The following GXYLT2 variants were observed in gnomAD, a reference collection of about 807,000 sequenced individuals.
GXYLT2 encodes glycosyltransferase 8 domain containing 4.
A neutral mutation model predicts 45.8 loss-of-function variants in GXYLT2; 53 were observed. The ratio of observed to expected loss-of-function variants is 1.16; its 90% confidence interval spans 0.93 to 1.46. The LOEUF (loss-of-function observed/expected upper bound fraction) is 1.46. Ranked by LOEUF, GXYLT2 falls within the 40% of genes most tolerant of loss-of-function variation. The pLI, the probability that GXYLT2 is intolerant of heterozygous loss-of-function variation, is 0.00. For synonymous variants in GXYLT2, 219 were observed against 214.2 expected, an observed-to-expected ratio of 1.02 and a Z score of -0.19; for missense variants, 551 against 544.4, an observed-to-expected ratio of 1.01 and a Z score of -0.12.
chr3:72,973,955 C>T (rs1711043990), intron 6 of GXYLT2, among the ~76,000 whole-genome samples: 1 of 152,160 alleles, frequency 6.6e-6, no homozygotes, highest in South Asian at 2.1e-4. Context: ...CTCTGATAAA[C>T]CTGTGTAAGC....
intron 3 of GXYLT2, among the ~76,000 whole-genome samples, chr3:72,943,469 T>TG (rs1437214350): frequency 6.6e-6 from 1 of 151,464 alleles, no homozygotes; most frequent in Non-Finnish European, 1.5e-5. Flanking sequence ...CTTGATCTCC[T>TG]GAGCTCAAGT....
chr3:72,904,920 C>T (rs961152770), intron 1 of GXYLT2, among the ~76,000 whole-genome samples: 4 of 148,932 alleles, frequency 2.7e-5, no homozygotes, highest in East Asian at 2.0e-4. Context: ...TGATGGCCTT[C>T]GGTTTGTAGT....
intron 3 of GXYLT2, among the ~76,000 whole-genome samples, chr3:72,947,210 A>G (rs1467750264): frequency 6.6e-6 from 1 of 152,156 alleles, no homozygotes; most frequent in Non-Finnish European, 1.5e-5. Flanking sequence ...CTAAGCAAAG[A>G]CAAAGATAGA....
intron 3 of GXYLT2, among the ~76,000 whole-genome samples, chr3:72,941,492 C>T (rs1370142819): frequency 1.3e-5 from 2 of 152,188 alleles, no homozygotes; most frequent in African/African-American, 4.8e-5. Context: ...TGCACATTAC[C>T]CTCTGCCATA....
At chr3:72,953,031 A>T (rs2107138868) in intron 3 of GXYLT2, among the ~76,000 whole-genome samples, 1 of 152,270 alleles carries the variant, frequency 6.6e-6, no homozygotes, top group South Asian at 2.1e-4. Context: ...TAAGGCTTTG[A>T]AGTCTCAAAT....
chr3:72,949,502 C>CTTTTTTTTT lies in GXYLT2; in HGVS notation c.601-5576_601-5568dup, dbSNP rs56323434. ...TATGTATCATTCTTTCTTTCTTTTT[C>CTTTTTTTTT]TTTTTTTTTTTTTTTTTTTTTTTTT... is the stretch of plus-strand genomic sequence containing the variant. On this transcript the variant is annotated intron_variant, in intron 3 of 6. Coordinates refer to ENST00000389617, the MANE Select transcript of GXYLT2 (RefSeq NM_001080393.2). 8.1e-4 allele frequency among the ~76,000 whole-genome samples: 59 copies of CTTTTTTTTT among 72,642 alleles called. 3 individuals are homozygous for CTTTTTTTTT. The highest frequency in any genetic ancestry group is 1.5e-3 in the African/African-American group (25 of 16,184). The allele number at this position is 72,642 out of a possible 152,430, so 47.7% of individuals were successfully genotyped here.
chr3:72,932,259 T>C (rs1044179494), intron 3 of GXYLT2, among the ~76,000 whole-genome samples: 1 of 152,118 alleles, frequency 6.6e-6, no homozygotes, highest in African/African-American at 2.4e-5. Flanking sequence ...GGTTTCACCA[T>C]GTTGGCCAGG....
At chr3:72,903,529 A>G (rs1709446160) in intron 1 of GXYLT2, among the ~76,000 whole-genome samples, 1 of 152,200 alleles carries the variant, frequency 6.6e-6, no homozygotes, top group Non-Finnish European at 1.5e-5. Flanking sequence ...GTTAATATGC[A>G]GACTCCAGGG....
intron 1 of GXYLT2, among the ~76,000 whole-genome samples, chr3:72,904,931 C>T (rs1198161099): frequency 2.0e-5 from 3 of 150,068 alleles, no homozygotes; most frequent in Non-Finnish European, 3.0e-5. Flanking sequence ...GGTTTGTAGT[C>T]CCAGCTACTT....
At chr3:72,897,390 A>G (rs548925043) in intron 1 of GXYLT2, among the ~76,000 whole-genome samples, 74 of 152,158 alleles carry the variant, frequency 4.9e-4, no homozygotes, top group Non-Finnish European at 7.4e-4. Context: ...TGGGTGTGCA[A>G]CCTCCTCTTC....
At chr3:72,956,705 A>G (rs1422471669) in intron 4 of GXYLT2, among the ~76,000 whole-genome samples, 1 of 152,006 alleles carries the variant, frequency 6.6e-6, no homozygotes, top group Admixed American at 6.6e-5. Flanking sequence ...CCTCGCCAAC[A>G]GGGGGAAACC....
intron 3 of GXYLT2, among the ~76,000 whole-genome samples, chr3:72,937,545 A>G (rs1006640685): frequency 1.3e-5 from 2 of 152,214 alleles, no homozygotes; most frequent in South Asian, 4.1e-4. Flanking sequence ...TCCTCTTTAC[A>G]AATGAGGAAA....
At chr3:72,924,964 A>AT (rs1709891923) in intron 3 of GXYLT2, among the ~76,000 whole-genome samples, 1 of 151,894 alleles carries the variant, frequency 6.6e-6, no homozygotes. Context: ...TCATACTTTG[A>AT]TTTTGAGGTG....
rs141332088 is a variant in GXYLT2 at position 72,951,415 on chromosome 3, AAC to A, written c.601-3679_601-3678del. Among the ~76,000 whole-genome samples the A allele has an allele frequency of 9.9e-3, 1,501 of 152,314 alleles. 18 individuals carry two copies. The highest frequency in any genetic ancestry group is 0.034 in the African/African-American group (1,418 of 41,564). ...TTATACTTGACATTTTAAAAGCGAA[AAC>A]ACAGAGACTTCTTACAAAACCACTA... On this transcript the variant is annotated intron_variant, in intron 3 of 6. Transcript: ENST00000389617.
intron 3 of GXYLT2, 128 bp downstream of exon 3, chr3:72,922,463 C>T (rs967319449): frequency 3.4e-6 from 3 of 884,804 alleles, no homozygotes; most frequent in African/African-American, 1.7e-5. Flanking sequence ...GGAGCTGATG[C>T]TCTAAGTCTG....
chr3:72,970,723 G>A (rs983852913), intron 6 of GXYLT2, among the ~76,000 whole-genome samples: 5 of 152,026 alleles, frequency 3.3e-5, no homozygotes, highest in Admixed American at 1.3e-4. Context: ...TTAGCTGGGC[G>A]TTGTGGCGCA....
chr3:72,957,340 T>G lies in GXYLT2; in HGVS notation c.964T>G (p.Tyr322Asp). The G allele has an allele frequency of 6.2e-7, 1 of 1,608,904 alleles. No homozygotes were observed. Among genetic ancestry groups the G allele is most frequent in the Non-Finnish European group, 8.5e-7 (1 of 1,177,272 alleles). Residue 322 changes from tyrosine to aspartate, a missense_variant, in exon 5 of 7, where the codon TAT (tyrosine) becomes GAT (aspartate). Physicochemically the swap from Tyr to Asp is radical, Grantham distance 160. Coordinates refer to ENST00000389617, the MANE Select transcript of GXYLT2 (RefSeq NM_001080393.2). ...GDQDLLNIIF[Y>D]FNPECLYVFP... ...CCAGGATTTATTAAATATTATTTTT[T>G]ATTTCAACCCAGGTAGGTTATCTTT...
intron 6 of GXYLT2, among the ~76,000 whole-genome samples, chr3:72,969,925 A>AAAAAAC (rs1424168121): frequency 6.6e-6 from 1 of 150,834 alleles, no homozygotes. Context: ...AAAAAAACAA[A>AAAAAAC]AACATTTAAG....
chr3:72,889,951 G>C (rs1342488699), intron 1 of GXYLT2, among the ~76,000 whole-genome samples: 2 of 146,848 alleles, frequency 1.4e-5, no homozygotes, highest in Admixed American at 6.8e-5. Flanking sequence ...TGTCGCCCAG[G>C]CTGGAGTGCC....
Sources: allele counts gnomAD v4.1 joint callset (sites outside exome capture counted in the v4.1 genomes callset), GRCh38; gene constraint gnomAD v4.1.1; transcripts MANE v1.5; gene names NCBI Gene and HGNC (gene_info 2026-07-23, HGNC 2026-07-21).